Variants in FAM171B observed in about 807,000 individuals in gnomAD.
FAM171B encodes the protein protein FAM171B.
In FAM171B, 19 loss-of-function variants were observed where a neutral mutation model predicts 75.6. That is an observed-to-expected ratio of 0.25 (90% CI 0.18 to 0.37). The LOEUF (loss-of-function observed/expected upper bound fraction) is 0.37. Ranked by LOEUF, FAM171B falls within the 10% of genes least tolerant of loss-of-function variation. FAM171B has a pLI of 1.00. For synonymous variants in FAM171B, 367 were observed against 361.7 expected, an observed-to-expected ratio of 1.01 and a Z score of -0.17; for missense variants, 848 against 982.4, an observed-to-expected ratio of 0.86 and a Z score of 1.83.
At chr2:186,744,377 C>G (rs192791114) in intron 3 of FAM171B, among the ~76,000 whole-genome samples, 82 of 152,254 alleles carry the variant, frequency 5.4e-4, no homozygotes, top group African/African-American at 1.9e-3. Flanking sequence ...GCTGCCTTAT[C>G]TATTCCTAAA....
intron 1 of FAM171B, among the ~76,000 whole-genome samples, chr2:186,712,998 A>G (rs777344369): frequency 1.3e-5 from 2 of 152,246 alleles, no homozygotes; most frequent in African/African-American, 4.8e-5. Flanking sequence ...CACAAATAGC[A>G]TAACAAATGA....
intron 1 of FAM171B, 105 bp from the exon 2 acceptor site, chr2:186,740,120 TAAC>T: frequency 1.4e-6 from 1 of 717,704 alleles, no homozygotes; most frequent in Non-Finnish European, 2.3e-6. Flanking sequence ...TTCCTAAGTT[TAAC>T]AACAGTTTTG....
At chr2:186,751,339 T>C (rs1288610543) in intron 5 of FAM171B, 35 bp downstream of exon 5, 45 of 1,457,488 alleles carry the variant, frequency 3.1e-5, no homozygotes, top group Non-Finnish European at 3.9e-5. Flanking sequence ...CTGAATATTT[T>C]ACATATTTGT....
chr2:186,701,311 A>C (rs1689657106), intron 1 of FAM171B, among the ~76,000 whole-genome samples: 2 of 152,212 alleles, frequency 1.3e-5, no homozygotes, highest in African/African-American at 4.8e-5. Context: ...ATAGTCAAAC[A>C]AATTAACATA....
At chr2:186,708,051 A>G (rs1689757729) in intron 1 of FAM171B, among the ~76,000 whole-genome samples, 1 of 152,080 alleles carries the variant, frequency 6.6e-6, no homozygotes, top group South Asian at 2.1e-4. Context: ...ATATCCCTGT[A>G]TAAATATTTA....
intron 1 of FAM171B, among the ~76,000 whole-genome samples, chr2:186,713,975 A>G (rs1689841822): frequency 6.6e-6 from 1 of 152,264 alleles, no homozygotes; most frequent in Non-Finnish European, 1.5e-5. Flanking sequence ...GTCCTGTGGA[A>G]AACTTTTTAT....
chr2:186,703,291 A>G (rs1689689589), intron 1 of FAM171B, among the ~76,000 whole-genome samples: 2 of 152,086 alleles, frequency 1.3e-5, no homozygotes, highest in African/African-American at 2.4e-5. Context: ...GAGATGTAGA[A>G]CGTTTACTTG....
At chr2:186,748,354 C>T (rs1408319474) in intron 4 of FAM171B, among the ~76,000 whole-genome samples, 5 of 149,994 alleles carry the variant, frequency 3.3e-5, no homozygotes, top group African/African-American at 1.2e-4. Flanking sequence ...ATTTGAGGAA[C>T]AGCCAGCAAT....
intron 1 of FAM171B, among the ~76,000 whole-genome samples, chr2:186,713,845 A>C (rs2105775967): frequency 6.6e-6 from 1 of 152,342 alleles, no homozygotes; most frequent in Admixed American, 6.5e-5. Flanking sequence ...TTGACTTTTC[A>C]CTATCTTTGA....
intron 1 of FAM171B, among the ~76,000 whole-genome samples, chr2:186,718,988 T>A (rs983549194): frequency 6.6e-6 from 1 of 152,254 alleles, no homozygotes; most frequent in Non-Finnish European, 1.5e-5. Context: ...TGCTCTGCTA[T>A]TCATGCTGTG....
intron 1 of FAM171B, among the ~76,000 whole-genome samples, chr2:186,726,804 G>A (rs1469324904): frequency 6.6e-6 from 1 of 152,014 alleles, no homozygotes; most frequent in Non-Finnish European, 1.5e-5. Context: ...ATTTGTGAAA[G>A]GAAGAGGAAT....
intron 1 of FAM171B, among the ~76,000 whole-genome samples, chr2:186,710,824 TC>T (rs1168022524): frequency 6.6e-6 from 1 of 152,086 alleles, no homozygotes; most frequent in Admixed American, 6.6e-5. Context: ...CCATACACCC[TC>T]CACCAAGATA....
intron 3 of FAM171B, among the ~76,000 whole-genome samples, chr2:186,745,097 T>C (rs936018010): frequency 1.3e-5 from 2 of 152,204 alleles, no homozygotes; most frequent in African/African-American, 4.8e-5. Context: ...CCCAAAGTGC[T>C]GGGAGCTGCC....
At chr2:186,713,133 C>T (rs533508910) in intron 1 of FAM171B, among the ~76,000 whole-genome samples, 113 of 152,256 alleles carry the variant, frequency 7.4e-4, no homozygotes, top group African/African-American at 2.5e-3. Context: ...AAGGCCTGTG[C>T]GGCTGCCCTG....
Position 186,694,072 on chromosome 2 carries a change from AG to A in FAM171B, c.-97del. 5.1e-6 allele frequency: 7 copies of A among 1,361,922 alleles called. No homozygotes were observed. Among genetic ancestry groups the A allele is most frequent in the Non-Finnish European group, 6.6e-6 (7 of 1,058,442 alleles). The allele number at this position is 1,361,922 out of a possible 1,614,324, so 84.4% of individuals were successfully genotyped here. A position where few individuals can be genotyped will look rare whatever the true frequency, so the allele number is the denominator to read the frequency against. On this transcript the variant is annotated 5_prime_UTR_variant, in exon 1 of 8. Coordinates refer to ENST00000304698, the MANE Select transcript of FAM171B (RefSeq NM_177454.4). ...GAGGGAGTGCTTGGCAGATTGCGCG[AG>A]GGGGAGCGAGCGAGCGGGCGCTGCC...
intron 1 of FAM171B, among the ~76,000 whole-genome samples, chr2:186,727,170 A>G (rs1690046624): frequency 6.6e-6 from 1 of 152,190 alleles, no homozygotes; most frequent in Non-Finnish European, 1.5e-5. Context: ...GGGGCTGTCA[A>G]GAACCTGACT....
chr2:186,761,785 A>C lies in FAM171B; in HGVS notation c.1443A>C (p.Pro481=), dbSNP rs1574115873. The change falls in exon 8 of 8, where the codon CCA becomes CCC. Residue 481 remains proline, a synonymous_variant. Transcript: ENST00000304698. ...ATCAAAATAATTACTCAAGAAACCC[A>C]ACACAGTCTTTGGAGCCCAATGTAG... ...SVNQNNYSRN[P]TQSLEPNVGS... is the part of the protein sequence containing the mutation. The C allele has an allele frequency of 6.2e-7, 1 of 1,613,236 alleles. No homozygotes were observed. The highest frequency in any genetic ancestry group is 1.3e-5 in the African/African-American group (1 of 75,010).
At chr2:186,752,156 T>G (rs1440545288) in intron 5 of FAM171B, among the ~76,000 whole-genome samples, 1 of 152,212 alleles carries the variant, frequency 6.6e-6, no homozygotes, top group East Asian at 1.9e-4. Context: ...TTGGACTCAC[T>G]GTAGTTGTAG....
At chr2:186,743,381 C>A (rs933798892) in intron 2 of FAM171B, 102 bp from the exon 3 acceptor site, 3 of 708,500 alleles carry the variant, frequency 4.2e-6, no homozygotes, top group Non-Finnish European at 7.2e-6. Flanking sequence ...TTGTTCCCCC[C>A]CACAACACAC....
Sources: gnomAD v4.1 joint callset for allele counts (sites outside exome capture counted in the v4.1 genomes callset) on GRCh38, gnomAD v4.1.1 for gene constraint, MANE v1.5 for transcripts, NCBI Gene and HGNC (gene_info 2026-07-23, HGNC 2026-07-21) for gene names.